The following KLHL13 variants were observed in gnomAD, a reference collection of about 807,000 sequenced individuals.
KLHL13 encodes the protein kelch-like protein 13.
Under a neutral mutation model 37.1 loss-of-function variants are expected in KLHL13, and 10 were observed. That is an observed-to-expected ratio of 0.27 (90% CI 0.17 to 0.46). The LOEUF (loss-of-function observed/expected upper bound fraction) is 0.46. Ranked by LOEUF, KLHL13 falls within the 20% of genes least tolerant of loss-of-function variation. The pLI is 1.00. For missense variants in KLHL13, 360 were observed against 509.3 expected (o/e 0.71, Z 2.82); for synonymous variants, 163 against 181.2 (o/e 0.90, Z 0.81).
intron 1 of KLHL13, among the ~76,000 whole-genome samples, chrX:118,062,653 ATATT>A (rs1602693738): frequency 9.0e-6 from 1 of 110,995 alleles, no homozygotes; most frequent in Non-Finnish European, 1.9e-5. Context: ...ACTATAAATT[ATATT>A]TATTTATTCT....
At chrX:117,915,503 A>T (rs1170360299) in intron 4 of KLHL13, among the ~76,000 whole-genome samples, 1 of 111,526 alleles carries the variant, frequency 9.0e-6, no homozygotes, top group African/African-American at 3.3e-5. Context: ...TGAAACCAGT[A>T]ATCTACCTGC....
At chrX:118,064,326 T>G (rs1322712517) in intron 1 of KLHL13, among the ~76,000 whole-genome samples, 1 of 112,078 alleles carries the variant, frequency 8.9e-6, no homozygotes, top group Admixed American at 9.5e-5. Flanking sequence ...AGCCAGTCTT[T>G]GCTTTCCTCT....
intron 1 of KLHL13, among the ~76,000 whole-genome samples, chrX:118,026,519 T>G (rs765931653): frequency 9.0e-6 from 1 of 111,636 alleles, no homozygotes; most frequent in East Asian, 2.8e-4. Context: ...TCACAAAGTT[T>G]GGGTGGAAGA....
At chrX:117,940,627 G>A (rs1322527588) in intron 2 of KLHL13, among the ~76,000 whole-genome samples, 2 of 111,434 alleles carry the variant, frequency 1.8e-5, no homozygotes, top group Admixed American at 9.5e-5. Flanking sequence ...CTTGAGCAGT[G>A]GTTTGTAGTT....
At chrX:117,995,803 A>G (rs1401202380) in intron 1 of KLHL13, among the ~76,000 whole-genome samples, 1 of 111,583 alleles carries the variant, frequency 9.0e-6, no homozygotes, top group African/African-American at 3.3e-5. Flanking sequence ...TTGGAGGCTC[A>G]TCCACCATTT....
At chrX:117,997,108 GA>G (rs1195414397) in intron 1 of KLHL13, among the ~76,000 whole-genome samples, 3 of 108,644 alleles carry the variant, frequency 2.8e-5, no homozygotes, top group Non-Finnish European at 5.7e-5. Flanking sequence ...CTTCCACTGG[GA>G]GATGCACTCA....
intron 1 of KLHL13, among the ~76,000 whole-genome samples, chrX:118,088,809 G>A (rs188003169): frequency 4.5e-5 from 5 of 111,625 alleles, no homozygotes; most frequent in South Asian, 3.8e-4. Flanking sequence ...AACAATCATG[G>A]ATATTGTATA....
At chrX:118,113,637 G>T (rs1433600892) in intron 1 of KLHL13, among the ~76,000 whole-genome samples, 1 of 111,889 alleles carries the variant, frequency 8.9e-6, no homozygotes, top group Non-Finnish European at 1.9e-5. Flanking sequence ...TTCTCTTTCA[G>T]GTCTCTGCTC....
chrX:117,952,121 G>C (rs1933645401), intron 1 of KLHL13, among the ~76,000 whole-genome samples: 1 of 111,631 alleles, frequency 9.0e-6, no homozygotes, highest in Non-Finnish European at 1.9e-5. Flanking sequence ...AAAGAACAAA[G>C]CTGGAGGCAT....
chrX:117,993,400 A>C (rs905212211), intron 1 of KLHL13, among the ~76,000 whole-genome samples: 3 of 112,246 alleles, frequency 2.7e-5, no homozygotes, highest in Non-Finnish European at 3.8e-5. Flanking sequence ...CAGTGTTATA[A>C]ATGCTTACCA....
chrX:117,967,252 T>C (rs1172570445), intron 1 of KLHL13, among the ~76,000 whole-genome samples: 1 of 111,656 alleles, frequency 9.0e-6, no homozygotes, highest in East Asian at 2.8e-4. Context: ...GAATCTCATG[T>C]TTATACCGCC....
At chrX:118,060,400 A>G (rs2054728734) in intron 1 of KLHL13, among the ~76,000 whole-genome samples, 1 of 111,486 alleles carries the variant, frequency 9.0e-6, no homozygotes, top group South Asian at 3.8e-4. Flanking sequence ...TCATCCACGA[A>G]TCAGGCAGCC....
intron 1 of KLHL13, among the ~76,000 whole-genome samples, chrX:118,080,052 T>A (rs1331568428): frequency 9.0e-6 from 1 of 111,692 alleles, no homozygotes; most frequent in African/African-American, 3.3e-5. Flanking sequence ...ATTCAATAAA[T>A]GGTGCTGGGA....
chrX:118,114,031 T>C (rs1192656895), intron 1 of KLHL13, among the ~76,000 whole-genome samples: 1 of 112,688 alleles, frequency 8.9e-6, no homozygotes, highest in African/African-American at 3.2e-5. Flanking sequence ...TTCATTTCTC[T>C]ACAGTCTTTC....
intron 2 of KLHL13, among the ~76,000 whole-genome samples, chrX:117,931,448 A>G (rs1932447454): frequency 9.0e-6 from 1 of 111,398 alleles, no homozygotes; most frequent in Non-Finnish European, 1.9e-5. Flanking sequence ...GATGAAAGGG[A>G]TGTTTTCAAC....
intron 1 of KLHL13, among the ~76,000 whole-genome samples, chrX:118,032,480 G>C (rs760230350): frequency 1.9e-3 from 218 of 111,869 alleles, no homozygotes; most frequent in Non-Finnish European, 2.3e-3. Context: ...AGCAGGGGCA[G>C]CCTGACACCT....
intron 1 of KLHL13, among the ~76,000 whole-genome samples, chrX:118,008,687 A>G (rs1204569838): frequency 9.0e-6 from 1 of 111,556 alleles, no homozygotes; most frequent in Non-Finnish European, 1.9e-5. Context: ...CCTTGTCCTC[A>G]GGGAGTTTGC....
intron 2 of KLHL13, among the ~76,000 whole-genome samples, chrX:117,941,361 A>G (rs1358923684): frequency 8.9e-6 from 1 of 111,974 alleles, no homozygotes; most frequent in Non-Finnish European, 1.9e-5. Flanking sequence ...AAAAAGAGTT[A>G]GGGAATATTC....
intron 1 of KLHL13, among the ~76,000 whole-genome samples, chrX:118,087,345 A>G (rs982348435): frequency 9.1e-5 from 10 of 110,037 alleles, no homozygotes; most frequent in African/African-American, 3.3e-5. Context: ...CCGAGGTGAC[A>G]TCTAACTCTT....
Sources: gnomAD v4.1 joint callset for allele counts (sites outside exome capture counted in the v4.1 genomes callset) on GRCh38, gnomAD v4.1.1 for gene constraint, MANE v1.5 for transcripts, NCBI Gene and HGNC (gene_info 2026-07-23, HGNC 2026-07-21) for gene names.